The following HTR1F variants were observed in gnomAD, a reference collection of about 807,000 sequenced individuals.
HTR1F encodes 5-hydroxytryptamine (serotonin) receptor 1F, G protein-coupled.
Under a neutral mutation model 24.0 loss-of-function variants are expected in HTR1F, and 17 were observed. The observed-to-expected ratio is 0.71, with a 90% CI of 0.48 to 1.06. HTR1F has a LOEUF of 1.06. Ranked by LOEUF, HTR1F falls within the 50% of genes least tolerant of loss-of-function variation. The pLI, the probability that HTR1F is intolerant of heterozygous loss-of-function variation, is 0.00. For synonymous variants in HTR1F, 186 were observed against 156.8 expected, an observed-to-expected ratio of 1.19 and a Z score of -1.39; for missense variants, 391 against 427.8, an observed-to-expected ratio of 0.91 and a Z score of 0.76.
intron 1 of HTR1F, among the ~76,000 whole-genome samples, chr3:87,807,558 T>C (rs1230342627): frequency 1.3e-5 from 2 of 152,008 alleles, no homozygotes; most frequent in Admixed American, 6.6e-5. Context: ...TAAGATCATA[T>C]CGTCAGCAAA....
At chr3:87,829,124 G>T (rs1177401034) in intron 2 of HTR1F, among the ~76,000 whole-genome samples, 1 of 151,712 alleles carries the variant, frequency 6.6e-6, no homozygotes, top group Non-Finnish European at 1.5e-5. Flanking sequence ...TATGGCTGTT[G>T]CTGTGTTGGG....
intron 2 of HTR1F, among the ~76,000 whole-genome samples, chr3:87,838,690 C>T (rs1167604535): frequency 6.6e-6 from 1 of 151,962 alleles, no homozygotes; most frequent in African/African-American, 2.4e-5. Flanking sequence ...GAACTGTGCA[C>T]ATGCATTGTG....
At chr3:87,849,601 G>T (rs1356797151) in intron 2 of HTR1F, among the ~76,000 whole-genome samples, 2 of 151,824 alleles carry the variant, frequency 1.3e-5, no homozygotes, top group African/African-American at 4.9e-5. Context: ...AGACAAAATT[G>T]ACAAATGGGA....
chr3:87,831,005 A>T (rs1704561958), intron 2 of HTR1F, among the ~76,000 whole-genome samples: 1 of 152,214 alleles, frequency 6.6e-6, no homozygotes, highest in African/African-American at 2.4e-5. Flanking sequence ...ACTGTGTCCT[A>T]TTCAGTGCAA....
intron 2 of HTR1F, among the ~76,000 whole-genome samples, chr3:87,838,107 C>A (rs190435107): frequency 1.3e-5 from 2 of 152,096 alleles, no homozygotes; most frequent in Admixed American, 1.3e-4. Flanking sequence ...AAGCTACACT[C>A]ATTAAATAAT....
intron 1 of HTR1F, among the ~76,000 whole-genome samples, chr3:87,802,444 A>G (rs1300317439): frequency 6.6e-6 from 1 of 151,544 alleles, no homozygotes; most frequent in Non-Finnish European, 1.5e-5. Flanking sequence ...TTGGGGGCCA[A>G]GTGATCTTCC....
chr3:87,900,047 A>C (rs1706287197), intron 2 of HTR1F, among the ~76,000 whole-genome samples: 1 of 152,184 alleles, frequency 6.6e-6, no homozygotes, highest in Non-Finnish European at 1.5e-5. Context: ...TATTAATATA[A>C]AGAAAAGGAA....
intron 2 of HTR1F, among the ~76,000 whole-genome samples, chr3:87,967,095 G>A (rs926747236): frequency 1.3e-5 from 2 of 152,088 alleles, no homozygotes; most frequent in Non-Finnish European, 2.9e-5. Flanking sequence ...AATTTAAATA[G>A]AAATTGGTTG....
chr3:87,815,033 T>C lies in HTR1F; in HGVS notation c.-159-6975T>C, dbSNP rs1704224799. Reference sequence around the variant, plus strand: ...CTTCAGGACCCAATTTTGTCACTTGTTATTTTGTAGCCTCTATGGTTCAGG... The same window carrying C: ...CTTCAGGACCCAATTTTGTCACTTGCTATTTTGTAGCCTCTATGGTTCAGG... On this transcript the variant is annotated intron_variant, in intron 1 of 2. Coordinates refer to ENST00000319595, the MANE Select transcript of HTR1F (RefSeq NM_001322209.2). Among the ~76,000 whole-genome samples, 3 of 152,142 alleles carry C rather than the reference T, an allele frequency of 2.0e-5. No individual in the cohort carries two copies. The South Asian group carries it at 6.2e-4, about 31-fold the overall frequency.
chr3:87,974,127 T>C (rs1004632890), intron 2 of HTR1F, among the ~76,000 whole-genome samples: 2 of 152,186 alleles, frequency 1.3e-5, no homozygotes, highest in African/African-American at 2.4e-5. Flanking sequence ...GGGAAACTAA[T>C]TTCCATGCAG....
intron 2 of HTR1F, among the ~76,000 whole-genome samples, chr3:87,865,597 T>C (rs556371594): frequency 1.3e-5 from 2 of 152,310 alleles, no homozygotes; most frequent in East Asian, 3.9e-4. Flanking sequence ...GTCTAGTTTC[T>C]TTCTCCCAGC....
chr3:87,896,162 C>A (rs1706194981), intron 2 of HTR1F, among the ~76,000 whole-genome samples: 2 of 152,120 alleles, frequency 1.3e-5, no homozygotes, highest in African/African-American at 4.8e-5. Flanking sequence ...CAACAGGGAC[C>A]CCTCTGACTA....
intron 2 of HTR1F, among the ~76,000 whole-genome samples, chr3:87,825,894 C>T (rs1704452776): frequency 6.6e-6 from 1 of 152,152 alleles, no homozygotes; most frequent in African/African-American, 2.4e-5. Flanking sequence ...ATTGTAGGGA[C>T]ATACCACCAC....
chr3:87,905,434 G>T (rs1703641969), intron 2 of HTR1F, among the ~76,000 whole-genome samples: 1 of 150,870 alleles, frequency 6.6e-6, no homozygotes, highest in South Asian at 2.1e-4. Flanking sequence ...TGACATTTTT[G>T]CTGCCCCTTA....
intron 2 of HTR1F, among the ~76,000 whole-genome samples, chr3:87,865,773 G>T (rs1705414215): frequency 6.6e-6 from 1 of 152,026 alleles, no homozygotes; most frequent in Admixed American, 6.6e-5. Flanking sequence ...TATTTTGATT[G>T]TTTCTGGTAT....
intron 2 of HTR1F, among the ~76,000 whole-genome samples, chr3:87,939,830 CT>C (rs1302393713): frequency 6.6e-6 from 1 of 152,038 alleles, no homozygotes; most frequent in East Asian, 1.9e-4. Flanking sequence ...GATTCATTGA[CT>C]TTTTTGAAGG....
At chr3:87,888,818 A>G (rs1424168455) in intron 2 of HTR1F, among the ~76,000 whole-genome samples, 2 of 152,188 alleles carry the variant, frequency 1.3e-5, no homozygotes, top group Non-Finnish European at 2.9e-5. Context: ...AGTATTTAGC[A>G]CAGTACTTAC....
Position 87,792,808 on chromosome 3 carries a change from C to T in HTR1F, c.-194C>T, listed in dbSNP as rs1229585420. ...CGCGCCCCGGGGCTGGGGGCGCCAC[C>T]TTGCCAGCTCCGACTGCTGCAGGGA... is the stretch of plus-strand genomic sequence containing the variant. On this transcript the variant is annotated 5_prime_UTR_variant, in exon 1 of 3. Coordinates refer to ENST00000319595, the MANE Select transcript of HTR1F (RefSeq NM_001322209.2). Among the ~76,000 whole-genome samples, 2 of 152,218 alleles carry T rather than the reference C, an allele frequency of 1.3e-5. No homozygotes were observed. Among genetic ancestry groups the T allele is most frequent in the Non-Finnish European group, 2.9e-5 (2 of 68,036 alleles).
intron 2 of HTR1F, among the ~76,000 whole-genome samples, chr3:87,894,147 C>T (rs1490931259): frequency 6.6e-6 from 1 of 152,064 alleles, no homozygotes; most frequent in Non-Finnish European, 1.5e-5. Context: ...ATGCACCGAA[C>T]CTGGATGGTA....
Sources: gnomAD v4.1 joint callset for allele counts (sites outside exome capture counted in the v4.1 genomes callset) on GRCh38, gnomAD v4.1.1 for gene constraint, MANE v1.5 for transcripts, NCBI Gene and HGNC (gene_info 2026-07-23, HGNC 2026-07-21) for gene names.